Variants in HMCN1 observed in about 807,000 individuals in gnomAD.
The protein encoded by HMCN1 is hemicentin 1, also known as hemicentin-1.
In HMCN1, 321 loss-of-function variants were observed where a neutral mutation model predicts 625.9. The ratio of observed to expected loss-of-function variants is 0.51; its 90% confidence interval spans 0.47 to 0.56. HMCN1 has a LOEUF of 0.56. Ranked by LOEUF, HMCN1 falls within the 20% of genes least tolerant of loss-of-function variation. The pLI is 0.00. For missense variants in HMCN1, 6,588 were observed against 6,887.3 expected (o/e 0.96, Z 1.54); for synonymous variants, 2,425 against 2,417.6 (o/e 1.00, Z -0.09).
At chr1:186,078,449 T>A (rs187443813) in intron 55 of HMCN1, among the ~76,000 whole-genome samples, 1 of 152,160 alleles carries the variant, frequency 6.6e-6, no homozygotes, top group Non-Finnish European at 1.5e-5. Flanking sequence ...ACAAAAAGAA[T>A]TCATTGACTT....
chr1:186,164,582 T>C (rs1391597860), intron 97 of HMCN1, among the ~76,000 whole-genome samples: 1 of 152,192 alleles, frequency 6.6e-6, no homozygotes, highest in Non-Finnish European at 1.5e-5. Flanking sequence ...TGTTTCCCCT[T>C]ATTTTGACTA....
intron 30 of HMCN1, among the ~76,000 whole-genome samples, chr1:186,014,673 C>CG (rs1393456347): frequency 6.6e-6 from 1 of 151,682 alleles, no homozygotes; most frequent in African/African-American, 2.4e-5. Context: ...CACCTCCCCC[C>CG]CAAAAAAAGA....
chr1:185,894,312 C>T (rs1268574276), intron 4 of HMCN1, among the ~76,000 whole-genome samples: 1 of 152,156 alleles, frequency 6.6e-6, no homozygotes, highest in Non-Finnish European at 1.5e-5. Context: ...CACATCATTG[C>T]ATATAGTTGT....
At chr1:185,950,321 G>A (rs1172167349) in intron 11 of HMCN1, among the ~76,000 whole-genome samples, 1 of 151,928 alleles carries the variant, frequency 6.6e-6, no homozygotes, top group Non-Finnish European at 1.5e-5. Flanking sequence ...TAGAGAGTGA[G>A]TTGAGCATAG....
At chr1:185,960,111 CAGCAGGA>C (rs1214824546) in intron 11 of HMCN1, among the ~76,000 whole-genome samples, 1 of 149,592 alleles carries the variant, frequency 6.7e-6, no homozygotes, top group Non-Finnish European at 1.5e-5. Context: ...AGTATCTTAT[CAGCAGGA>C]ATATTCTTTT....
In HMCN1 at chr1:186,054,462, T is replaced by C. The variant is rs539755514; in HGVS notation, c.6862+476T>C. On this transcript the variant is annotated intron_variant, in intron 44 of 106. Coordinates refer to ENST00000271588, the MANE Select transcript of HMCN1 (RefSeq NM_031935.3). ...GTGGAAATTTAAGCTCCAAGAGGTT[T>C]TGTTGGTTGAACAAGGTCGCGTGGC... Among the ~76,000 whole-genome samples the C allele has an allele frequency of 5.9e-5, 9 of 152,114 alleles. No homozygotes were observed. The East Asian group carries it at 1.7e-3, about 30-fold the overall frequency.
At chr1:186,024,924 TCCATGA>T (rs992931733) in intron 36 of HMCN1, among the ~76,000 whole-genome samples, 1 of 152,206 alleles carries the variant, frequency 6.6e-6, no homozygotes, top group African/African-American at 2.4e-5. Context: ...ATTATTCAAG[TCCATGA>T]CATTTATTGT....
In HMCN1 at chr1:186,132,280, C is replaced by T. The variant is rs369356179; in HGVS notation, c.13231-48C>T. On this transcript the variant is annotated intron_variant, in intron 85 of 106. Transcript: ENST00000271588. ...CATCATGGTGAAAAAAGTGATTGCC[C>T]TGCTCTGTAGGCTCATATTTTTGTA... 5.9e-5 allele frequency: 80 copies of T among 1,344,928 alleles called. No homozygotes were observed. In the African/African-American group the frequency reaches 1.1e-3, roughly 18 times the overall value. The allele number at this position is 1,344,928 out of a possible 1,614,324, so 83.3% of individuals were successfully genotyped here.
At position 186,001,733 on chromosome 1, in the gene HMCN1, A is replaced by T; in HGVS notation, c.4340A>T (p.Asp1447Val). 6.2e-7 allele frequency: 1 copy of T among 1,611,900 alleles called. No individual in the cohort carries two copies. Residue 1447 changes from aspartate to valine, a missense_variant, in exon 28 of 107, where the codon GAT (aspartate) becomes GTT (valine). Coordinates refer to ENST00000271588, the MANE Select transcript of HMCN1 (RefSeq NM_031935.3). ...AGTSQKYFNI[D>V]VLVPPTIIGT... The stretch of plus-strand genomic sequence containing the variant: ...ACTTCTCAGAAGTACTTTAACATTG[A>T]TGTGCTAGGTAAGAAATACATCCTT...
intron 4 of HMCN1, among the ~76,000 whole-genome samples, chr1:185,896,157 C>G (rs1044744631): frequency 3.3e-5 from 5 of 152,028 alleles, no homozygotes; most frequent in Admixed American, 1.3e-4. Flanking sequence ...AGGATGGTCT[C>G]GATCTCCTGA....
chr1:185,931,988 G>T lies in HMCN1; in HGVS notation c.1553-1561G>T, dbSNP rs531153196. On this transcript the variant is annotated intron_variant, in intron 10 of 106. Transcript: ENST00000271588. ...GCAAATTAAAAATACAGGATGCCCA[G>T]TTAAATTTGAATATCACATATGTGT... Among the ~76,000 whole-genome samples the T allele has an allele frequency of 8.5e-5, 13 of 152,250 alleles. No homozygotes were observed. The East Asian group carries it at 1.7e-3, about 20-fold the overall frequency.
intron 13 of HMCN1, among the ~76,000 whole-genome samples, 161 bp from the exon 14 acceptor site, chr1:185,965,641 T>A (rs1471807762): frequency 6.6e-6 from 1 of 152,124 alleles, no homozygotes; most frequent in Non-Finnish European, 1.5e-5. Context: ...TTTTATCACA[T>A]ACACCTATGT....
At chr1:186,005,884 C>G (rs988553749) in intron 29 of HMCN1, among the ~76,000 whole-genome samples, 6 of 152,072 alleles carry the variant, frequency 3.9e-5, no homozygotes, top group African/African-American at 1.2e-4. Context: ...GCCTGTAATC[C>G]CAGCACTTTG....
chr1:186,189,926 G>GCAAT lies in HMCN1; in HGVS notation c.*52_*55dup, dbSNP rs761317240. ...ACATATTTAAACCGCATTAATCATGGCAATCAAGCCCCCTTCCAGATTACT... is the reference window on the plus strand; with the variant it reads ...ACATATTTAAACCGCATTAATCATGGCAATCAATCAAGCCCCCTTCCAGATTACT... On this transcript the variant is annotated 3_prime_UTR_variant, in exon 107 of 107. Coordinates refer to ENST00000271588, the MANE Select transcript of HMCN1 (RefSeq NM_031935.3). 2.2e-5 allele frequency: 36 copies of GCAAT among 1,602,266 alleles called. No homozygotes were observed. In the East Asian group the frequency reaches 4.2e-4, roughly 19 times the overall value.
chr1:185,878,859 C>T (rs1226955842), intron 4 of HMCN1, among the ~76,000 whole-genome samples: 1 of 152,206 alleles, frequency 6.6e-6, no homozygotes, highest in African/African-American at 2.4e-5. Flanking sequence ...TCCAAGTCTT[C>T]AGCCCTGACT....
chr1:185,785,919 C>T (rs1657536975), intron 1 of HMCN1, among the ~76,000 whole-genome samples: 1 of 152,182 alleles, frequency 6.6e-6, no homozygotes, highest in Admixed American at 6.5e-5. Context: ...ACTTACTCTA[C>T]TTCGAAATGA....
At chr1:186,139,612 A>T (rs866364542) in intron 89 of HMCN1, among the ~76,000 whole-genome samples, 1,371 of 135,988 alleles carry the variant, frequency 0.01, 12 homozygotes, top group African/African-American at 0.03. Flanking sequence ...TTTTTTTTTT[A>T]AAGGCTTTCT....
intron 9 of HMCN1, among the ~76,000 whole-genome samples, chr1:185,927,957 A>G (rs1316942241): frequency 2.6e-5 from 4 of 152,150 alleles, no homozygotes; most frequent in Non-Finnish European, 4.4e-5. Context: ...GAATGAATAC[A>G]TAATATAGTA....
chr1:185,937,061 G>T (rs1667846086), intron 11 of HMCN1, among the ~76,000 whole-genome samples: 1 of 152,210 alleles, frequency 6.6e-6, no homozygotes, highest in African/African-American at 2.4e-5. Flanking sequence ...AAATACTGAG[G>T]AACAAAACAA....
Sources: gnomAD v4.1 joint callset for allele counts (sites outside exome capture counted in the v4.1 genomes callset) on GRCh38, gnomAD v4.1.1 for gene constraint, MANE v1.5 for transcripts, NCBI Gene and HGNC (gene_info 2026-07-23, HGNC 2026-07-21) for gene names.